The following LIMK2 variants were observed in gnomAD, a reference collection of about 807,000 sequenced individuals.
LIMK2 encodes the protein LIM domain kinase 2.
A neutral mutation model predicts 75.7 loss-of-function variants in LIMK2; 35 were observed. The observed-to-expected ratio is 0.46, with a 90% CI of 0.35 to 0.61. The LOEUF (loss-of-function observed/expected upper bound fraction) is 0.61. LIMK2 is among the 20% of genes least tolerant of loss of function. The pLI, the probability that LIMK2 is intolerant of heterozygous loss-of-function variation, is 0.00. For synonymous variants in LIMK2, 301 were observed against 319.2 expected (o/e 0.94, Z 0.61); for missense variants, 623 against 831.0 (o/e 0.75, Z 3.08).
intron 1 of LIMK2, among the ~76,000 whole-genome samples, chr22:31,212,667 G>T (rs1357715805): frequency 6.6e-6 from 1 of 152,108 alleles, no homozygotes; most frequent in Non-Finnish European, 1.5e-5. Flanking sequence ...CAGGCGGGTT[G>T]GGAGGCTTCC....
At position 31,222,337 on chromosome 22, in the gene LIMK2, C is replaced by G. The variant is rs145471226; in HGVS notation, c.17-3383C>G. ...CCACCCGCCTCAGCCTCCCAAAGTACTGGGATTACAGGCATGAGCCACCGT... is the reference window on the plus strand; with the variant it reads ...CCACCCGCCTCAGCCTCCCAAAGTAGTGGGATTACAGGCATGAGCCACCGT... On this transcript the variant is annotated intron_variant, in intron 1 of 15. Coordinates refer to ENST00000331728, the MANE Select transcript of LIMK2 (RefSeq NM_005569.4). Among the ~76,000 whole-genome samples the G allele has an allele frequency of 7.9e-3, 1,127 of 142,048 alleles. 16 individuals carry two copies. The highest frequency in any genetic ancestry group is 0.028 in the African/African-American group (1,074 of 37,982). The allele number at this position is 142,048 out of a possible 152,430, so 93.2% of individuals were successfully genotyped here.
chr22:31,237,260 C>CAAAA (rs1349737616), intron 2 of LIMK2, among the ~76,000 whole-genome samples: 6 of 61,976 alleles, frequency 9.7e-5, no homozygotes, highest in African/African-American at 3.8e-4. Flanking sequence ...GACTCTGTCT[C>CAAAA]AAAAAAAAAA....
intron 1 of LIMK2, among the ~76,000 whole-genome samples, chr22:31,219,644 T>G (rs538163875): frequency 6.6e-6 from 1 of 152,164 alleles, no homozygotes; most frequent in Non-Finnish European, 1.5e-5. Context: ...CGATCTCGGC[T>G]CACTGCAAGC....
Position 31,242,045 on chromosome 22 carries a change from G to T in LIMK2, c.116+16226G>T, listed in dbSNP as rs1601415378. Among the ~76,000 whole-genome samples, 3 of 152,274 alleles carry T rather than the reference G, an allele frequency of 2.0e-5. No homozygotes were observed. In the South Asian group the frequency reaches 6.2e-4, roughly 32 times the overall value. ...AGGAATCCTGCCTCTACAGTTTAGAGCCTCAAATTGCTGGGTATGTTGAGT... is the reference window on the plus strand; with the variant it reads ...AGGAATCCTGCCTCTACAGTTTAGATCCTCAAATTGCTGGGTATGTTGAGT... On this transcript the variant is annotated intron_variant, in intron 2 of 15. Coordinates refer to ENST00000331728, the MANE Select transcript of LIMK2 (RefSeq NM_005569.4).
intron 4 of LIMK2, 124 bp from the exon 5 acceptor site, chr22:31,259,765 C>T: frequency 1.3e-6 from 1 of 784,504 alleles, no homozygotes. Flanking sequence ...CAGCTAGAAT[C>T]ATGACAAAGA....
At position 31,258,370 on chromosome 22, in the gene LIMK2, G is replaced by A; in HGVS notation, c.196G>A (p.Gly66Arg). The change falls in exon 3 of 16, where the codon GGG becomes AGG. Residue 66 changes from glycine (G) to arginine (R), a missense_variant. By Grantham distance (125) the Gly-to-Arg change is moderately radical. Coordinates refer to ENST00000331728, the MANE Select transcript of LIMK2 (RefSeq NM_005569.4). ...GCTCTACTGCCCCAAGGACTACTGGGGGAAGTTTGGGGAGTTCTGTCATGG... is the reference window on the plus strand; with the variant it reads ...GCTCTACTGCCCCAAGGACTACTGGAGGAAGTTTGGGGAGTTCTGTCATGG... ...GKLYCPKDYW[G>R]KFGEFCHGCS... 1 of 1,614,090 alleles carries A rather than the reference G, an allele frequency of 6.2e-7. No individual in the cohort carries two copies.
intron 2 of LIMK2, among the ~76,000 whole-genome samples, chr22:31,235,672 T>A (rs1568987056): frequency 6.6e-6 from 1 of 152,236 alleles, no homozygotes; most frequent in Non-Finnish European, 1.5e-5. Flanking sequence ...TTTCTTAAAT[T>A]GTATATTTGA....
intron 15 of LIMK2, among the ~76,000 whole-genome samples, chr22:31,276,543 G>T (rs1318931136): frequency 6.8e-6 from 1 of 146,456 alleles, no homozygotes; most frequent in Non-Finnish European, 1.5e-5. Flanking sequence ...CAGGCCCGGG[G>T]GCTCCGCATG....
intron 15 of LIMK2, chr22:31,275,600 T>TCTG: frequency 2.8e-6 from 1 of 363,348 alleles, no homozygotes. Flanking sequence ...TATTCATCTT[T>TCTG]CGATATTCCC....
At chr22:31,274,767 C>A (rs1197864679) in intron 14 of LIMK2, among the ~76,000 whole-genome samples, 2 of 152,190 alleles carry the variant, frequency 1.3e-5, no homozygotes, top group Non-Finnish European at 2.9e-5. Flanking sequence ...GTTCAGAGCA[C>A]TGGGCTGGTG....
intron 15 of LIMK2, chr22:31,275,601 C>CAAT: frequency 3.1e-6 from 1 of 325,066 alleles, no homozygotes; most frequent in South Asian, 6.4e-5. Flanking sequence ...ATTCATCTTT[C>CAAT]GATATTCCCC....
chr22:31,228,872 A>G (rs1478414023), intron 2 of LIMK2, among the ~76,000 whole-genome samples: 1 of 152,102 alleles, frequency 6.6e-6, no homozygotes, highest in African/African-American at 2.4e-5. Context: ...GAGCCCAGGG[A>G]TATCAAGGCT....
At chr22:31,218,581 G>A (rs2048406938) in intron 1 of LIMK2, among the ~76,000 whole-genome samples, 1 of 152,150 alleles carries the variant, frequency 6.6e-6, no homozygotes, top group Non-Finnish European at 1.5e-5. Flanking sequence ...GTAAGCTAGT[G>A]AGGAAGAAAA....
chr22:31,241,277 G>A (rs2048621728), intron 2 of LIMK2, among the ~76,000 whole-genome samples: 1 of 152,224 alleles, frequency 6.6e-6, no homozygotes, highest in Admixed American at 6.5e-5. Context: ...GGCAGTTTTA[G>A]TATGTTGGAC....
intron 2 of LIMK2, among the ~76,000 whole-genome samples, chr22:31,232,272 G>A (rs1270223014): frequency 4.9e-5 from 7 of 143,982 alleles, no homozygotes; most frequent in Non-Finnish European, 7.6e-5. Context: ...AAAAAAAACA[G>A]TAGACTTGGA....
chr22:31,222,431 G>C (rs1302658786), intron 1 of LIMK2, among the ~76,000 whole-genome samples: 1 of 130,214 alleles, frequency 7.7e-6, no homozygotes, highest in East Asian at 2.3e-4. Flanking sequence ...GCCCAGGCGT[G>C]AGTGCAGTGG....
intron 1 of LIMK2, among the ~76,000 whole-genome samples, chr22:31,224,706 A>G (rs1321978793): frequency 6.6e-6 from 1 of 152,238 alleles, no homozygotes. Flanking sequence ...AACTAAAATA[A>G]TACTTGGTTC....
chr22:31,221,758 C>T (rs943747123), intron 1 of LIMK2, among the ~76,000 whole-genome samples: 8 of 152,222 alleles, frequency 5.3e-5, no homozygotes, highest in Non-Finnish European at 8.8e-5. Flanking sequence ...GCTGGGATTA[C>T]AGGCGTGAGC....
chr22:31,225,686 T>G, intron 1 of LIMK2, 34 bp from the exon 2 acceptor site: 1 of 1,544,190 alleles, frequency 6.5e-7, no homozygotes, highest in Non-Finnish European at 8.9e-7. Context: ...CTCCTGCTAC[T>G]TTGGGCCTCT....
Sources: gnomAD v4.1 joint callset for allele counts (sites outside exome capture counted in the v4.1 genomes callset) on GRCh38, gnomAD v4.1.1 for gene constraint, MANE v1.5 for transcripts, NCBI Gene and HGNC (gene_info 2026-07-23, HGNC 2026-07-21) for gene names.